The following AGAP1 variants were observed in gnomAD, a reference collection of about 807,000 sequenced individuals.
The protein encoded by AGAP1 is arf-GAP with GTPase, ANK repeat and PH domain-containing protein 1.
A neutral mutation model predicts 105.3 loss-of-function variants in AGAP1; 29 were observed. That is an observed-to-expected ratio of 0.28 (90% confidence interval 0.21 to 0.38). The LOEUF is 0.38. AGAP1 is among the 10% of genes least tolerant of loss of function. AGAP1 has a pLI of 1.00. For missense variants in AGAP1, 998 were observed against 1,165.1 expected (o/e 0.86, Z 2.09); for synonymous variants, 509 against 485.9 (o/e 1.05, Z -0.63).
chr2:236,076,173 G>T lies in AGAP1; in HGVS notation c.2114+26892G>T, dbSNP rs2058630947. Among the ~76,000 whole-genome samples the T allele has an allele frequency of 6.6e-6, 1 of 152,198 alleles. No individual in the cohort carries two copies. The highest frequency in any genetic ancestry group is 2.1e-4 in the South Asian group (1 of 4,832). ...GGAGTTTTTTAAAGTCTTGAGGCGG[G>T]GCGCCGTGGCTCATGCCTGTAATCC... On this transcript the variant is annotated intron_variant, in intron 16 of 17. Transcript: ENST00000304032. This position sits in a 1 kb window ranked among gnomAD's most constrained non-coding sequence, Gnocchi z 4.4.
At chr2:236,118,344 G>T (rs1434730964) in intron 16 of AGAP1, among the ~76,000 whole-genome samples, 1 of 151,228 alleles carries the variant, frequency 6.6e-6, no homozygotes, top group Non-Finnish European at 1.5e-5. Flanking sequence ...ATGGGTAACT[G>T]CAGTCCCTTC....
intron 1 of AGAP1, among the ~76,000 whole-genome samples, chr2:235,650,292 G>A (rs745849395): frequency 5.3e-5 from 8 of 152,288 alleles, no homozygotes; most frequent in South Asian, 2.1e-4. Context: ...AACTCGGGAG[G>A]TGGAGGTTGC....
Position 236,107,728 on chromosome 2 carries a change from A to G in AGAP1, c.2115-12464A>G, listed in dbSNP as rs574621991. Among the ~76,000 whole-genome samples the G allele has an allele frequency of 1.2e-3, 179 of 152,330 alleles. 1 individual carries two copies. Among genetic ancestry groups the G allele is most frequent in the African/African-American group, 4.0e-3 (166 of 41,582 alleles). ...AGCCTGCACAGGGCAGTGCAGAATCAGGAAAACCTGGCTGGGGCCAGAGTA... is the reference window on the plus strand; with the variant it reads ...AGCCTGCACAGGGCAGTGCAGAATCGGGAAAACCTGGCTGGGGCCAGAGTA... On this transcript the variant is annotated intron_variant, in intron 16 of 17. Transcript: ENST00000304032.
intron 13 of AGAP1, among the ~76,000 whole-genome samples, chr2:236,015,508 G>C (rs925567942): frequency 2.0e-5 from 3 of 152,096 alleles, no homozygotes; most frequent in Non-Finnish European, 4.4e-5. Context: ...TATAATAGCA[G>C]ATTGAATTTT....
In AGAP1 at chr2:235,723,907, T is replaced by C. The variant is rs1951517431; in HGVS notation, c.310+6263T>C. Among the ~76,000 whole-genome samples, 1 of 152,066 alleles carries C rather than the reference T, an allele frequency of 6.6e-6. No homozygotes were observed. The highest frequency in any genetic ancestry group is 2.4e-5 in the African/African-American group (1 of 41,416). On this transcript the variant is annotated intron_variant, in intron 3 of 17. Transcript: ENST00000304032. This position sits in a 1 kb window ranked among gnomAD's most constrained non-coding sequence, Gnocchi z 6.2. ...CTGAGAGCCGCCTTTATCCCAGATC[T>C]GGAAGAAACCCACATCTAGGTGTGA...
At chr2:235,771,289 G>A (rs1955424455) in intron 6 of AGAP1, among the ~76,000 whole-genome samples, 1 of 152,228 alleles carries the variant, frequency 6.6e-6, no homozygotes, top group Non-Finnish European at 1.5e-5. Flanking sequence ...GCCTCCAGAG[G>A]GCTTCTGCTG....
intron 12 of AGAP1, among the ~76,000 whole-genome samples, chr2:235,941,743 A>T (rs535734437): frequency 1.3e-5 from 2 of 152,288 alleles, no homozygotes; most frequent in African/African-American, 4.8e-5. Flanking sequence ...AGATGGACAC[A>T]TCAGTTGATC....
chr2:235,785,954 G>T (rs77557472), intron 6 of AGAP1, among the ~76,000 whole-genome samples: 2 of 152,278 alleles, frequency 1.3e-5, no homozygotes, highest in South Asian at 4.1e-4. Flanking sequence ...TTTGCCTGGC[G>T]TGGAAGAGTG....
intron 6 of AGAP1, among the ~76,000 whole-genome samples, chr2:235,758,950 A>G (rs2149766247): frequency 6.6e-6 from 1 of 151,920 alleles, no homozygotes; most frequent in South Asian, 2.1e-4. Context: ...GTGCCAGCAC[A>G]CCCAGCTAGT....
intron 16 of AGAP1, among the ~76,000 whole-genome samples, chr2:236,079,914 C>G (rs1220184720): frequency 6.6e-6 from 1 of 152,204 alleles, no homozygotes; most frequent in East Asian, 1.9e-4. Flanking sequence ...GTTGGCCTTC[C>G]AGTTTCACGG....
chr2:236,101,575 C>A lies in AGAP1; in HGVS notation c.2115-18617C>A, dbSNP rs564448831. Reference sequence around the variant, plus strand: ...GTTCCTCTCCCTGGTGTTTAAAGGGCGTCGGTGCACGTACAGCGAGGGCTT... The same window carrying A: ...GTTCCTCTCCCTGGTGTTTAAAGGGAGTCGGTGCACGTACAGCGAGGGCTT... On this transcript the variant is annotated intron_variant, in intron 16 of 17. Transcript: ENST00000304032. The surrounding 1 kb of genome is among the most constrained non-coding windows in gnomAD (Gnocchi z 4.9). Among the ~76,000 whole-genome samples the A allele has an allele frequency of 1.3e-5, 2 of 152,320 alleles. No individual in the cohort carries two copies. The highest frequency in any genetic ancestry group is 4.1e-4 in the South Asian group (2 of 4,832).
At chr2:235,696,022 C>G (rs749219811) in intron 1 of AGAP1, among the ~76,000 whole-genome samples, 8 of 152,100 alleles carry the variant, frequency 5.3e-5, no homozygotes, top group Non-Finnish European at 1.2e-4. Flanking sequence ...TGGGTATTGC[C>G]CAGAGGGAAC....
Position 235,965,655 on chromosome 2 carries a change from A to G in AGAP1, c.1484-2807A>G, listed in dbSNP as rs141728768. ...TACCACGTGCCTCAGCGGATTGCTT[A>G]AGAGTCCTGAACGCATTGCTGAAGG... is the stretch of plus-strand genomic sequence containing the variant. On this transcript the variant is annotated intron_variant, in intron 12 of 17. Coordinates refer to ENST00000304032, the MANE Select transcript of AGAP1 (RefSeq NM_001037131.3). This position sits in a 1 kb window ranked among gnomAD's most constrained non-coding sequence, Gnocchi z 5.8. 2.2e-3 allele frequency among the ~76,000 whole-genome samples: 335 copies of G among 152,266 alleles called. No homozygotes were observed. Among genetic ancestry groups the G allele is most frequent in the African/African-American group, 7.6e-3 (316 of 41,558 alleles).
At chr2:235,837,177 C>G (rs545197771) in intron 9 of AGAP1, among the ~76,000 whole-genome samples, 1 of 152,188 alleles carries the variant, frequency 6.6e-6, no homozygotes, top group African/African-American at 2.4e-5. Flanking sequence ...TAGAGACAGG[C>G]TTTCTCTATG....
In AGAP1 at chr2:236,014,888, T is replaced by TCCGCACCTCCACCCGC. The variant is rs1576063993; in HGVS notation, c.1646-21670_1646-21655dup. 7.3e-6 allele frequency: 3 copies of TCCGCACCTCCACCCGC among 412,916 alleles called. No individual in the cohort carries two copies. Among genetic ancestry groups the TCCGCACCTCCACCCGC allele is most frequent in the African/African-American group, 4.2e-5 (2 of 47,558 alleles). 25.6% of individuals were successfully genotyped at this position (412,916 alleles called of 1,614,324 possible). ...CAGCACCAACACTGAAGGTAACGCC[T>TCCGCACCTCCACCCGC]CCGCACCTCCACCCGCCCACACCTC... On this transcript the variant is annotated intron_variant, in intron 13 of 17. Transcript: ENST00000304032. The surrounding 1 kb of genome is among the most constrained non-coding windows in gnomAD (Gnocchi z 6.3).
chr2:235,853,137 C>T (rs1261201693), intron 9 of AGAP1: 1 of 1,176,548 alleles, frequency 8.5e-7, no homozygotes, highest in Non-Finnish European at 1.0e-6. Context: ...AAAACATTTA[C>T]TGGCGCTTTG....
chr2:235,803,090 G>GGTT (rs1957651240), intron 8 of AGAP1, among the ~76,000 whole-genome samples: 2 of 11,538 alleles, frequency 1.7e-4, no homozygotes, highest in Non-Finnish European at 4.8e-4. Context: ...TGATGGTTGT[G>GGTT]GTGATGGTGA....
rs1261854511 is a variant in AGAP1, at chr2:235,744,680, C to G, written c.397-18C>G. ...TGCTCACTCAGCTCCTGCTCTCCTC[C>G]CCTTCTTCTCTCCCTAGTTTGCCAT... is the stretch of plus-strand genomic sequence containing the variant. On this transcript the variant is annotated intron_variant, in intron 4 of 17. Transcript: ENST00000304032. The surrounding 1 kb of genome is among the most constrained non-coding windows in gnomAD (Gnocchi z 5.2). The G allele has an allele frequency of 6.2e-7, 1 of 1,613,888 alleles. No individual in the cohort carries two copies. Among genetic ancestry groups the G allele is most frequent in the Non-Finnish European group, 8.5e-7 (1 of 1,179,930 alleles).
Position 235,710,660 on chromosome 2 carries a change from C to T in AGAP1, c.222+1423C>T, listed in dbSNP as rs532906711. On this transcript the variant is annotated intron_variant, in intron 2 of 17. Coordinates refer to ENST00000304032, the MANE Select transcript of AGAP1 (RefSeq NM_001037131.3). ...TTCTGTCTTTTGTGTGCTTTGTCAC[C>T]GCGGCACTGGCAGGGTGTCTTAAGC... Among the ~76,000 whole-genome samples, 260 of 152,304 alleles carry T rather than the reference C, an allele frequency of 1.7e-3. 4 individuals are homozygous for T. In the South Asian group the frequency reaches 0.033, roughly 20 times the overall value.
Sources: gnomAD v4.1 joint callset for allele counts (sites outside exome capture counted in the v4.1 genomes callset) on GRCh38, gnomAD v4.1.1 for gene constraint, Gnocchi (gnomAD v3.1) non-coding constraint, MANE v1.5 for transcripts, NCBI Gene and HGNC (gene_info 2026-07-23, HGNC 2026-07-21) for gene names.